Variants in F5 observed in about 807,000 individuals in gnomAD.
F5 encodes the protein coagulation factor V, also known as activated protein c cofactor.
In F5, 138 loss-of-function variants were observed where a neutral mutation model predicts 216.4. The observed-to-expected ratio is 0.64, with a 90% CI of 0.56 to 0.73. The LOEUF (loss-of-function observed/expected upper bound fraction) is 0.73, where lower values mean the gene tolerates loss of function less well. F5 is among the 30% of genes least tolerant of loss of function. F5 has a pLI of 0.00. For synonymous variants in F5, 916 were observed against 930.7 expected, an observed-to-expected ratio of 0.98 and a Z score of 0.29; for missense variants, 2,403 against 2,674.0, an observed-to-expected ratio of 0.90 and a Z score of 2.24.
At chr1:169,531,800 C>A (rs1266227102) in intron 14 of F5, among the ~76,000 whole-genome samples, 3 of 152,066 alleles carry the variant, frequency 2.0e-5, no homozygotes, top group African/African-American at 7.2e-5. Context: ...CCTTCTATAA[C>A]TTCTAGTGAT....
chr1:169,556,425 T>TTAAAAAAAAAAAAAAAAAAAAAAA (rs549256084), intron 6 of F5, among the ~76,000 whole-genome samples: 3 of 58,906 alleles, frequency 5.1e-5, no homozygotes, highest in African/African-American at 2.7e-4. Flanking sequence ...TTTGCTTAAT[T>TTAAAAAAAAAAAAAAAAAAAAAAA]AAAAAAAAAA....
chr1:169,548,317 C>T (rs1322953139), intron 10 of F5, among the ~76,000 whole-genome samples: 1 of 151,940 alleles, frequency 6.6e-6, no homozygotes, highest in Admixed American at 6.5e-5. Context: ...TGTAACAAAC[C>T]TGCACATCCT....
At chr1:169,526,605 T>C (rs1659458386) in intron 17 of F5, among the ~76,000 whole-genome samples, 1 of 152,100 alleles carries the variant, frequency 6.6e-6, no homozygotes, top group Non-Finnish European at 1.5e-5. Context: ...TGACTATAAT[T>C]TATGACTGTT....
At chr1:169,538,055 A>C (rs983498064) in intron 13 of F5, among the ~76,000 whole-genome samples, 3 of 152,210 alleles carry the variant, frequency 2.0e-5, no homozygotes, top group Non-Finnish European at 4.4e-5. Context: ...TAGCCACATT[A>C]GCCAAGATAG....
intron 10 of F5, among the ~76,000 whole-genome samples, chr1:169,549,071 A>G (rs1660093805): frequency 6.6e-6 from 1 of 152,152 alleles, no homozygotes; most frequent in African/African-American, 2.4e-5. Context: ...TCCTAGCTCA[A>G]TAAATCAGGA....
At chr1:169,585,225 G>T (rs1445117894) in intron 1 of F5, among the ~76,000 whole-genome samples, 2 of 152,014 alleles carry the variant, frequency 1.3e-5, no homozygotes, top group African/African-American at 4.8e-5. Flanking sequence ...GACCAAGATG[G>T]TATGTAATAC....
chr1:169,547,650 G>T (rs528312271), intron 10 of F5, among the ~76,000 whole-genome samples: 1 of 151,826 alleles, frequency 6.6e-6, no homozygotes, highest in East Asian at 1.9e-4. Context: ...ATACCATCTC[G>T]CACCAATAAG....
chr1:169,519,861 A>G (rs1659252668), intron 22 of F5, among the ~76,000 whole-genome samples: 1 of 152,216 alleles, frequency 6.6e-6, no homozygotes, highest in Non-Finnish European at 1.5e-5. Flanking sequence ...AATATTGGAA[A>G]GCACTGCTTT....
chr1:169,562,060 T>C (rs1192285994), intron 3 of F5, among the ~76,000 whole-genome samples: 2 of 152,070 alleles, frequency 1.3e-5, no homozygotes, highest in Non-Finnish European at 2.9e-5. Context: ...TTGCATATAA[T>C]AACATTTACC....
At chr1:169,545,865 T>A (rs1659986533) in intron 11 of F5, among the ~76,000 whole-genome samples, 1 of 152,220 alleles carries the variant, frequency 6.6e-6, no homozygotes, top group Non-Finnish European at 1.5e-5. Context: ...CAGACTGCCA[T>A]GGCAGTGCTT....
Position 169,525,923 on chromosome 1 carries a change from C to A in F5, c.5694G>T (p.Thr1898=). Residue 1898 remains threonine, a synonymous_variant, in exon 18 of 25, where the codon ACG becomes ACT. Transcript: ENST00000367797. The stretch of plus-strand genomic sequence containing the variant: ...TACCTCTGTCCATGATAAGAAATGG[C>A]GTTTGCATCCCTGCTCTCTGGTTTT... The part of the protein sequence containing the change: ...VGENQRAGMQ[T]PFLIMDRDCR... 6.2e-7 allele frequency: 1 copy of A among 1,612,704 alleles called. No homozygotes were observed. The highest frequency in any genetic ancestry group is 8.5e-7 in the Non-Finnish European group (1 of 1,178,958).
intron 10 of F5, among the ~76,000 whole-genome samples, chr1:169,546,979 A>AAAAGAAAAG (rs1553220682): frequency 1.3e-5 from 1 of 77,816 alleles, no homozygotes; most frequent in African/African-American, 5.0e-5. Context: ...AAAAAAAAAA[A>AAAAGAAAAG]AAAAGAAAAG....
At position 169,529,603 on chromosome 1, in the gene F5, A is replaced by G; in HGVS notation, c.5419+5T>C. The G allele has an allele frequency of 5.6e-6, 9 of 1,612,958 alleles. No homozygotes were observed. Among genetic ancestry groups the G allele is most frequent in the Non-Finnish European group, 7.6e-6 (9 of 1,179,148 alleles). ...GGAGATTAGATCAAAGTCTGAGGAA[A>G]ATACCGTGAAACTCATGGGATTTTT... On this transcript the variant is annotated splice_donor_5th_base_variant and intron_variant, in intron 16 of 24. Coordinates refer to ENST00000367797, the MANE Select transcript of F5 (RefSeq NM_000130.5).
At chr1:169,580,519 G>T (rs1277548532) in intron 2 of F5, among the ~76,000 whole-genome samples, 1 of 151,950 alleles carries the variant, frequency 6.6e-6, no homozygotes, top group Non-Finnish European at 1.5e-5. Context: ...GAGTAGCTGG[G>T]ACTACAGGCA....
At chr1:169,522,689 C>A (rs189471334) in intron 21 of F5, among the ~76,000 whole-genome samples, 3 of 152,248 alleles carry the variant, frequency 2.0e-5, no homozygotes, top group Admixed American at 1.3e-4. Flanking sequence ...TATGGCTGAG[C>A]CCCTGGAAGA....
At chr1:169,534,088 T>C (rs1659648973) in intron 14 of F5, among the ~76,000 whole-genome samples, 1 of 152,178 alleles carries the variant, frequency 6.6e-6, no homozygotes, top group Non-Finnish European at 1.5e-5. Context: ...TCCTGTTCTG[T>C]TCTGTTCTAA....
chr1:169,520,415 G>A (rs1659269463), intron 22 of F5, 105 bp downstream of exon 22: 6 of 1,397,912 alleles, frequency 4.3e-6, no homozygotes, highest in African/African-American at 4.3e-5. Context: ...TTTCCTAGGA[G>A]CCTAAGTCAC....
chr1:169,532,583 T>A (rs1311071468), intron 14 of F5, among the ~76,000 whole-genome samples: 1 of 152,076 alleles, frequency 6.6e-6, no homozygotes, highest in Non-Finnish European at 1.5e-5. Flanking sequence ...ACATCAGTAA[T>A]GTTCAAACTG....
chr1:169,538,611 C>A (rs1215935156), intron 13 of F5, among the ~76,000 whole-genome samples: 4 of 152,110 alleles, frequency 2.6e-5, no homozygotes, highest in African/African-American at 9.7e-5. Flanking sequence ...AACTGGGGTA[C>A]ACCCATATAA....
Sources: allele counts gnomAD v4.1 joint callset (sites outside exome capture counted in the v4.1 genomes callset), GRCh38; gene constraint gnomAD v4.1.1; transcripts MANE v1.5; gene names NCBI Gene and HGNC (gene_info 2026-07-23, HGNC 2026-07-21).